Variants in AP3B1 observed in about 807,000 individuals in gnomAD.
The protein encoded by AP3B1 is adaptor related protein complex 3 subunit beta 1.
In AP3B1, 61 loss-of-function variants were observed where a neutral mutation model predicts 132.5. The observed-to-expected ratio is 0.46, with a 90% confidence interval of 0.37 to 0.57. AP3B1 has a LOEUF of 0.57. Among genes scored for constraint, AP3B1 ranks in the 20% least tolerant of loss-of-function variants. The pLI is 0.00. For missense variants in AP3B1, 1,120 were observed against 1,289.4 expected, an observed-to-expected ratio of 0.87 and a Z score of 2.01; for synonymous variants, 388 against 438.3, an observed-to-expected ratio of 0.89 and a Z score of 1.43.
chr5:78,080,307 C>A (rs1016372419), intron 22 of AP3B1, among the ~76,000 whole-genome samples: 1 of 152,174 alleles, frequency 6.6e-6, no homozygotes, highest in Non-Finnish European at 1.5e-5. Flanking sequence ...CTGTGCCCAG[C>A]CTGTGATGTT....
At chr5:78,170,511 G>C (rs1580438678) in intron 11 of AP3B1, among the ~76,000 whole-genome samples, 2 of 152,248 alleles carry the variant, frequency 1.3e-5, no homozygotes, top group Middle Eastern at 6.8e-3. Context: ...TGACCAATGA[G>C]GATGAGCATT....
intron 6 of AP3B1, 55 bp downstream of exon 6, chr5:78,225,487 T>C: frequency 2.1e-6 from 2 of 945,362 alleles, no homozygotes; most frequent in Admixed American, 1.9e-5. Flanking sequence ...TGGTAAATGA[T>C]ACTATGTAAA....
intron 24 of AP3B1, among the ~76,000 whole-genome samples, chr5:78,029,161 T>C (rs1747463989): frequency 6.6e-6 from 1 of 152,242 alleles, no homozygotes; most frequent in African/African-American, 2.4e-5. Flanking sequence ...GATTTGTCCA[T>C]TTCTGATGTG....
intron 7 of AP3B1, among the ~76,000 whole-genome samples, chr5:78,208,153 AT>A: frequency 6.6e-6 from 1 of 152,272 alleles, no homozygotes; most frequent in Non-Finnish European, 1.5e-5. Flanking sequence ...CAGAAGAGAC[AT>A]GAAATTAAGT....
chr5:78,276,260 G>T (rs1748771289), intron 1 of AP3B1, among the ~76,000 whole-genome samples: 1 of 151,846 alleles, frequency 6.6e-6, no homozygotes. Flanking sequence ...TAGAGATAGG[G>T]TCTCCCTATG....
intron 1 of AP3B1, among the ~76,000 whole-genome samples, chr5:78,287,178 A>T (rs972552317): frequency 8.5e-5 from 13 of 152,296 alleles, no homozygotes; most frequent in African/African-American, 2.2e-4. Context: ...AATTTTTTTT[A>T]AATAACATAA....
chr5:78,045,275 G>A (rs1205638836), intron 22 of AP3B1, among the ~76,000 whole-genome samples: 1 of 151,744 alleles, frequency 6.6e-6, no homozygotes, highest in Non-Finnish European at 1.5e-5. Flanking sequence ...CAGATACTTG[G>A]GAGGCTGAGG....
At chr5:78,066,723 A>G (rs1272619640) in intron 22 of AP3B1, among the ~76,000 whole-genome samples, 3 of 152,222 alleles carry the variant, frequency 2.0e-5, no homozygotes, top group African/African-American at 7.2e-5. Context: ...GGGAGAATGG[A>G]AGAAGTTGGA....
At chr5:78,212,721 G>T (rs2112471382) in intron 7 of AP3B1, among the ~76,000 whole-genome samples, 1 of 152,180 alleles carries the variant, frequency 6.6e-6, no homozygotes, top group South Asian at 2.1e-4. Context: ...GTTTCACCTT[G>T]TCTTTTTATT....
intron 22 of AP3B1, among the ~76,000 whole-genome samples, chr5:78,066,181 T>C (rs1749282192): frequency 1.3e-5 from 2 of 150,878 alleles, no homozygotes; most frequent in African/African-American, 2.4e-5. Flanking sequence ...GCCTCAAAGA[T>C]TGGAGGTAAA....
intron 8 of AP3B1, among the ~76,000 whole-genome samples, chr5:78,178,590 C>A (rs1457863612): frequency 1.3e-5 from 2 of 152,144 alleles, no homozygotes; most frequent in Non-Finnish European, 2.9e-5. Context: ...CACTGCACTC[C>A]AGCCTGTGCA....
intron 1 of AP3B1, among the ~76,000 whole-genome samples, chr5:78,281,067 C>A (rs1465985425): frequency 6.6e-6 from 1 of 152,108 alleles, no homozygotes; most frequent in Admixed American, 6.5e-5. Context: ...CAAATTTGTA[C>A]TTGACAGGAA....
At chr5:78,274,816 C>A (rs1430151710) in intron 1 of AP3B1, among the ~76,000 whole-genome samples, 1 of 152,112 alleles carries the variant, frequency 6.6e-6, no homozygotes, top group Non-Finnish European at 1.5e-5. Flanking sequence ...ATCCTAGCTA[C>A]TCAGAAGGCT....
chr5:78,233,744 T>C (rs1159099721), intron 3 of AP3B1, among the ~76,000 whole-genome samples: 1 of 152,150 alleles, frequency 6.6e-6, no homozygotes, highest in East Asian at 1.9e-4. Flanking sequence ...GGTACAATTA[T>C]CTCCCTCTCA....
chr5:78,005,422 G>A (rs745596412), intron 26 of AP3B1, among the ~76,000 whole-genome samples: 3 of 152,196 alleles, frequency 2.0e-5, no homozygotes, highest in African/African-American at 7.2e-5. Flanking sequence ...AGAGACAAAT[G>A]TCAATTTTGG....
At chr5:78,082,311 T>C (rs916013933) in intron 22 of AP3B1, among the ~76,000 whole-genome samples, 1 of 152,176 alleles carries the variant, frequency 6.6e-6, no homozygotes. Context: ...ATCTATTATC[T>C]GTTGCCAAAT....
chr5:78,202,213 A>C (rs1745319264), intron 7 of AP3B1, among the ~76,000 whole-genome samples: 1 of 152,218 alleles, frequency 6.6e-6, no homozygotes, highest in Non-Finnish European at 1.5e-5. Flanking sequence ...AGGCCTCCCC[A>C]GCCACGTAGA....
intron 26 of AP3B1, among the ~76,000 whole-genome samples, chr5:78,008,741 G>A (rs1290010077): frequency 6.6e-6 from 1 of 152,144 alleles, no homozygotes; most frequent in Non-Finnish European, 1.5e-5. Flanking sequence ...AAGGTTGACA[G>A]TAGTATCAGG....
At chr5:78,146,710 T>C (rs1487316374) in intron 14 of AP3B1, among the ~76,000 whole-genome samples, 2 of 152,182 alleles carry the variant, frequency 1.3e-5, no homozygotes, top group Admixed American at 6.5e-5. Flanking sequence ...ACTTTAAAAA[T>C]GGTGATCTTT....
Sources: gnomAD v4.1 joint callset for allele counts (sites outside exome capture counted in the v4.1 genomes callset) on GRCh38, gnomAD v4.1.1 for gene constraint, MANE v1.5 for transcripts, NCBI Gene and HGNC (gene_info 2026-07-23, HGNC 2026-07-21) for gene names.